The following RP1 variants were observed in gnomAD, a reference collection of about 807,000 sequenced individuals.
RP1 encodes RP1 axonemal microtubule associated.
In RP1, 16 loss-of-function variants were observed where a neutral mutation model predicts 14.8. The observed-to-expected ratio is 1.08, with a 90% CI of 0.73 to 1.65. RP1 has a LOEUF of 1.65. RP1 is among the 40% of genes most tolerant of loss of function. The probability of loss-of-function intolerance (pLI) is 0.00; values close to 1 mark genes in which losing one functional copy is unlikely to be tolerated. For missense variants in RP1, 2,631 were observed against 2,535.0 expected, an observed-to-expected ratio of 1.04 and a Z score of -0.81; for synonymous variants, 876 against 883.6, an observed-to-expected ratio of 0.99 and a Z score of 0.15.
At chr8:54,745,316 T>A (rs1809195788) in intron 19 of RP1, among the ~76,000 whole-genome samples, 1 of 152,200 alleles carries the variant, frequency 6.6e-6, no homozygotes, top group Non-Finnish European at 1.5e-5. Context: ...GAGGAAAGGT[T>A]GGGTAACCTG....
At chr8:54,777,478 A>G (rs1207130624) in intron 23 of RP1, among the ~76,000 whole-genome samples, 1 of 152,246 alleles carries the variant, frequency 6.6e-6, no homozygotes, top group Non-Finnish European at 1.5e-5. Flanking sequence ...AAAATTGAGC[A>G]CTGGTCGAAA....
chr8:54,667,255 A>C lies in RP1; in HGVS notation c.1323+3405A>C, dbSNP rs116806461. Among the ~76,000 whole-genome samples the C allele has an allele frequency of 7.3e-3, 1,115 of 152,234 alleles. 18 individuals are homozygous for C. The highest frequency in any genetic ancestry group is 0.025 in the African/African-American group (1,057 of 41,538). On this transcript the variant is annotated intron_variant, in intron 7 of 22. Coordinates refer to the RP1 transcript ENST00000636932. ...TGGGGTCTTCCTTACAAATAGGAAG[A>C]CTGCAGAATTGCACAGCACAACAGG...
intron 24 of RP1, among the ~76,000 whole-genome samples, chr8:54,787,241 A>C (rs1810340767): frequency 6.6e-6 from 1 of 152,122 alleles, no homozygotes; most frequent in Admixed American, 6.5e-5. Context: ...ATCAAGGCAA[A>C]ATTAAGAGCA....
At chr8:54,810,990 T>G (rs1487583497) in intron 24 of RP1, among the ~76,000 whole-genome samples, 1 of 152,216 alleles carries the variant, frequency 6.6e-6, no homozygotes, top group Non-Finnish European at 1.5e-5. Context: ...TTTTAAATGC[T>G]GTGAAGTATA....
chr8:54,690,698 T>C (rs973898004), intron 12 of RP1, among the ~76,000 whole-genome samples: 2 of 152,016 alleles, frequency 1.3e-5, no homozygotes, highest in East Asian at 3.9e-4. Context: ...GTATATAGTA[T>C]GAAGTGTAGC....
At chr8:54,634,889 G>C (rs1484659593), downstream of RP1, among the ~76,000 whole-genome samples, 4 of 152,106 alleles carry the variant, frequency 2.6e-5, no homozygotes, top group African/African-American at 9.7e-5. Context: ...AGACCATCCT[G>C]GCGAACACGT....
intron 26 of RP1, among the ~76,000 whole-genome samples, chr8:54,854,912 C>T (rs574101064): frequency 1.3e-5 from 2 of 152,206 alleles, no homozygotes; most frequent in African/African-American, 4.8e-5. Context: ...ATACACATAA[C>T]CTAAAATTTA....
At chr8:54,589,771 G>T (rs1250475736) in intron 1 of RP1, among the ~76,000 whole-genome samples, 1 of 152,048 alleles carries the variant, frequency 6.6e-6, no homozygotes, top group African/African-American at 2.4e-5. Context: ...CTCAATTCTG[G>T]AATTCTAATG....
At chr8:54,798,142 T>C (rs962954881) in intron 24 of RP1, among the ~76,000 whole-genome samples, 1 of 152,078 alleles carries the variant, frequency 6.6e-6, no homozygotes, top group African/African-American at 2.4e-5. Flanking sequence ...GCCTCCTGAG[T>C]AGCTGGGACT....
At chr8:54,706,415 C>A (rs1389500533) in intron 14 of RP1, 1 of 1,532,244 alleles carries the variant, frequency 6.5e-7, no homozygotes, top group African/African-American at 1.4e-5. Flanking sequence ...TTACTGACTG[C>A]CTTTCTGTTC....
At chr8:54,834,641 T>G (rs1811614641) in intron 24 of RP1, among the ~76,000 whole-genome samples, 1 of 152,024 alleles carries the variant, frequency 6.6e-6, no homozygotes, top group African/African-American at 2.4e-5. Context: ...ATTTTTCATG[T>G]TGTATAATAT....
chr8:54,863,044 G>GAGATAT (rs766616305), intron 27 of RP1, among the ~76,000 whole-genome samples: 10 of 101,848 alleles, frequency 9.8e-5, no homozygotes, highest in South Asian at 7.7e-4. Flanking sequence ...ATTCCAAATG[G>GAGATAT]ATATATATAT....
chr8:54,690,165 G>C (rs1488984360), intron 12 of RP1, among the ~76,000 whole-genome samples: 1 of 151,626 alleles, frequency 6.6e-6, no homozygotes, highest in Non-Finnish European at 1.5e-5. Flanking sequence ...ATTTTCTTTG[G>C]TCTCCTTACC....
chr8:54,641,467 T>C (rs1806453851), intron 3 of RP1, among the ~76,000 whole-genome samples: 1 of 152,206 alleles, frequency 6.6e-6, no homozygotes, highest in South Asian at 2.1e-4. Context: ...TAACAGTTTT[T>C]ACATGTAATT....
intron 24 of RP1, among the ~76,000 whole-genome samples, chr8:54,827,770 C>T (rs779467254): frequency 7.2e-5 from 11 of 152,096 alleles, no homozygotes; most frequent in South Asian, 4.2e-4. Context: ...TGGTGACAGG[C>T]GCTTGTAATC....
rs2129316289 is a variant in RP1 at position 54,625,644 on chromosome 8, A to G, written c.1762A>G (p.Asn588Asp). 1.2e-6 allele frequency: 2 copies of G among 1,614,146 alleles called. No individual in the cohort carries two copies. Among genetic ancestry groups the G allele is most frequent in the Non-Finnish European group, 1.7e-6 (2 of 1,179,998 alleles). Residue 588 changes from asparagine (N) to aspartate (D), a missense_variant, in exon 4 of 4, where the codon AAC (asparagine) becomes GAC (aspartate). By Grantham distance (23) the Asn-to-Asp change is conservative. Transcript: ENST00000220676. ...EDVVDCVVLDNKTGIKNFKTY... is the reference protein window; with the variant it reads ...EDVVDCVVLDDKTGIKNFKTY... ...TGTAGTTGATTGTGTGGTATTGGAC[A>G]ACAAAACTGGTATCAAGAACTTCAA...
chr8:54,824,502 GT>G (rs58254438), intron 24 of RP1, among the ~76,000 whole-genome samples: 47,743 of 151,790 alleles, frequency 0.31, 7,628 homozygotes, highest in South Asian at 0.37. Context: ...AGAATTATTA[GT>G]TTTTGCACAG....
chr8:54,649,109 TG>T lies in RP1; in HGVS notation c.916del (p.Ala306LeufsTer13). 6.6e-7 allele frequency: 1 copy of T among 1,516,376 alleles called. No homozygotes were observed. The highest frequency in any genetic ancestry group is 1.2e-5 in the South Asian group (1 of 80,026). 93.9% of individuals were successfully genotyped at this position (1,516,376 alleles called of 1,614,324 possible). ...CCCCCATATATCTTTATGGAACAGA[TG>T]GGGCTCGATTTCAGGTTGGCCATGA... On this transcript the variant is annotated frameshift_variant, in exon 4 of 23. Transcript: ENST00000636932. LOFTEE classifies it high-confidence loss of function.
chr8:54,824,958 TTC>T (rs1563387840), intron 24 of RP1, among the ~76,000 whole-genome samples: 4 of 72,382 alleles, frequency 5.5e-5, no homozygotes, highest in Non-Finnish European at 1.0e-4. Context: ...TTCTTTTTCT[TTC>T]TTTTTTTTTT....
Sources: allele counts gnomAD v4.1 joint callset (sites outside exome capture counted in the v4.1 genomes callset), GRCh38; gene constraint gnomAD v4.1.1; transcripts MANE v1.5; gene names NCBI Gene and HGNC (gene_info 2026-07-23, HGNC 2026-07-21).